Variants in FAM107B observed in about 807,000 individuals in gnomAD.
FAM107B encodes the protein protein FAM107B.
A neutral mutation model predicts 31.5 loss-of-function variants in FAM107B; 21 were observed. That is an observed-to-expected ratio of 0.67 (90% CI 0.47 to 0.96). The LOEUF (loss-of-function observed/expected upper bound fraction) is 0.96. FAM107B is among the 40% of genes least tolerant of loss of function. The pLI, the probability that FAM107B is intolerant of heterozygous loss-of-function variation, is 0.00. For missense variants in FAM107B, 452 were observed against 377.1 expected (o/e 1.20, Z -1.64); for synonymous variants, 157 against 141.5 (o/e 1.11, Z -0.78).
intron 2 of FAM107B, among the ~76,000 whole-genome samples, chr10:14,641,443 A>G (rs1853624849): frequency 6.6e-6 from 1 of 152,222 alleles, no homozygotes; most frequent in African/African-American, 2.4e-5. Flanking sequence ...CCGCCATAAC[A>G]AAATCCCATA....
intron 3 of FAM107B, among the ~76,000 whole-genome samples, chr10:14,525,131 C>T (rs1220187013): frequency 6.6e-6 from 1 of 152,212 alleles, no homozygotes; most frequent in Non-Finnish European, 1.5e-5. Context: ...ATGTAAGTCT[C>T]TAAGTCTAAA....
intron 2 of FAM107B, among the ~76,000 whole-genome samples, chr10:14,570,493 T>G (rs988910274): frequency 6.6e-6 from 1 of 152,064 alleles, no homozygotes; most frequent in Non-Finnish European, 1.5e-5. Flanking sequence ...TCCCTAATCC[T>G]AACCAAGGAA....
chr10:14,687,411 G>C (rs995130071), intron 1 of FAM107B, among the ~76,000 whole-genome samples: 13 of 152,188 alleles, frequency 8.5e-5, no homozygotes, highest in African/African-American at 3.1e-4. Context: ...TATTTGGAAA[G>C]AGATAATCAT....
intron 3 of FAM107B, among the ~76,000 whole-genome samples, chr10:14,526,243 G>A (rs1846214674): frequency 1.3e-5 from 2 of 152,146 alleles, no homozygotes; most frequent in South Asian, 2.1e-4. Flanking sequence ...GCATGACCTC[G>A]GCTCACTGCA....
chr10:14,592,950 G>A (rs1261915185), intron 2 of FAM107B, among the ~76,000 whole-genome samples: 1 of 152,158 alleles, frequency 6.6e-6, no homozygotes. Context: ...AGCTCAAGTC[G>A]TGAGGATTTC....
chr10:14,747,599 T>A (rs1456171328), intron 1 of FAM107B, among the ~76,000 whole-genome samples: 1 of 152,178 alleles, frequency 6.6e-6, no homozygotes, highest in East Asian at 1.9e-4. Context: ...ATCCTATGCA[T>A]CTGGGTTCCT....
intron 2 of FAM107B, among the ~76,000 whole-genome samples, chr10:14,580,236 T>G (rs1367012835): frequency 1.3e-5 from 2 of 151,948 alleles, no homozygotes; most frequent in African/African-American, 4.8e-5. Flanking sequence ...GGTGGGTGCC[T>G]GTAGCCCCAG....
chr10:14,556,583 TGAGA>T (rs1253802753), intron 2 of FAM107B, among the ~76,000 whole-genome samples: 2 of 152,204 alleles, frequency 1.3e-5, no homozygotes, highest in African/African-American at 4.8e-5. Flanking sequence ...GCCCCTCACT[TGAGA>T]TCTCCCTGGT....
intron 2 of FAM107B, among the ~76,000 whole-genome samples, chr10:14,572,794 G>A (rs984536768): frequency 2.3e-5 from 3 of 130,750 alleles, no homozygotes; most frequent in African/African-American, 8.3e-5. Context: ...ATGTATAGGT[G>A]TATGTAGATA....
rs11288279 is a variant in FAM107B at position 14,524,034 on chromosome 10, ATT to A, written c.654-2017_654-2016del. 4.3e-3 allele frequency among the ~76,000 whole-genome samples: 532 copies of A among 123,376 alleles called. 4 individuals carry two copies. Among genetic ancestry groups the A allele is most frequent in the East Asian group, 0.017 (69 of 4,180 alleles). 80.9% of individuals were successfully genotyped at this position (123,376 alleles called of 152,430 possible). On this transcript the variant is annotated intron_variant, in intron 3 of 4. Transcript: ENST00000181796. Reference sequence around the variant, plus strand: ...GGCACATGCCACCACGCCCAGCTCTATTTTTTTTTTTTTTTTTCGTTTTTGAG... The same window carrying A: ...GGCACATGCCACCACGCCCAGCTCTATTTTTTTTTTTTTTTCGTTTTTGAG...
intron 2 of FAM107B, among the ~76,000 whole-genome samples, chr10:14,543,422 A>AGTCCTGAGCTCGGC (rs1310746529): frequency 4.6e-5 from 7 of 152,178 alleles, no homozygotes; most frequent in Admixed American, 3.3e-4. Context: ...AGGAGCATGC[A>AGTCCTGAGCTCGGC]GTCCTGAGCT....
At chr10:14,699,161 T>C (rs1386546164) in intron 1 of FAM107B, among the ~76,000 whole-genome samples, 1 of 152,048 alleles carries the variant, frequency 6.6e-6, no homozygotes, top group African/African-American at 2.4e-5. Flanking sequence ...AAGGAAATTG[T>C]GGAACAGGGA....
At chr10:14,601,788 A>G (rs761327986) in intron 2 of FAM107B, among the ~76,000 whole-genome samples, 4 of 152,252 alleles carry the variant, frequency 2.6e-5, no homozygotes, top group African/African-American at 9.6e-5. Context: ...ACATTAAGCC[A>G]TATTCCTCAT....
intron 1 of FAM107B, among the ~76,000 whole-genome samples, chr10:14,722,244 C>T (rs997653819): frequency 2.0e-5 from 3 of 152,174 alleles, no homozygotes; most frequent in Admixed American, 1.3e-4. Context: ...TTTTCTATCC[C>T]TATAGGTTTG....
intron 1 of FAM107B, among the ~76,000 whole-genome samples, chr10:14,682,866 T>G (rs1854871965): frequency 6.6e-6 from 1 of 151,804 alleles, no homozygotes; most frequent in African/African-American, 2.4e-5. Context: ...ATTCTGCACA[T>G]GTACCCCATA....
chr10:14,716,778 TG>T (rs1395875255), intron 1 of FAM107B, among the ~76,000 whole-genome samples: 2 of 152,190 alleles, frequency 1.3e-5, no homozygotes, highest in African/African-American at 4.8e-5. Context: ...TGCAGAGACT[TG>T]TTGAGAGTCA....
intron 2 of FAM107B, among the ~76,000 whole-genome samples, chr10:14,622,958 G>A (rs1378572196): frequency 6.6e-6 from 1 of 152,076 alleles, no homozygotes; most frequent in East Asian, 1.9e-4. Flanking sequence ...TCTTCAAAGG[G>A]GAACAGGAAT....
At chr10:14,611,477 G>A (rs1220453148) in intron 2 of FAM107B, among the ~76,000 whole-genome samples, 1 of 133,164 alleles carries the variant, frequency 7.5e-6, no homozygotes, top group African/African-American at 2.8e-5. Context: ...CTAGTTGAAT[G>A]CCAGTTTTAT....
intron 1 of FAM107B, among the ~76,000 whole-genome samples, chr10:14,669,367 CAA>C (rs34544529): frequency 5.0e-5 from 6 of 119,252 alleles, no homozygotes; most frequent in South Asian, 3.0e-4. Context: ...GAGACTCTGT[CAA>C]AAAAAAAAAA....
Sources: allele counts gnomAD v4.1 joint callset (sites outside exome capture counted in the v4.1 genomes callset), GRCh38; gene constraint gnomAD v4.1.1; transcripts MANE v1.5; gene names NCBI Gene and HGNC (gene_info 2026-07-23, HGNC 2026-07-21).